Variants in IL1RAP observed in about 807,000 individuals in gnomAD.
IL1RAP encodes the protein interleukin 1 receptor accessory protein.
Under a neutral mutation model 60.7 loss-of-function variants are expected in IL1RAP, and 35 were observed. That is an observed-to-expected ratio of 0.58 (90% CI 0.44 to 0.76). The LOEUF (loss-of-function observed/expected upper bound fraction) is 0.76. Ranked by LOEUF, IL1RAP falls within the 30% of genes least tolerant of loss-of-function variation. The pLI, the probability that IL1RAP is intolerant of heterozygous loss-of-function variation, is 0.00. For synonymous variants in IL1RAP, 268 were observed against 250.9 expected (o/e 1.07, Z -0.64); for missense variants, 572 against 693.9 (o/e 0.82, Z 1.97).
In IL1RAP at chr3:190,649,664, C is replaced by T. The variant is rs890297690; in HGVS notation, c.*959C>T. On this transcript the variant is annotated 3_prime_UTR_variant, in exon 12 of 12. Transcript: ENST00000447382. ...ACTGGGAAAGTGATTTTTTCTCACT[C>T]GTTTTTGTTGCTCCATTGTAAAGGG... The T allele has an allele frequency of 2.5e-5, 25 of 985,700 alleles. No individual in the cohort carries two copies. Among genetic ancestry groups the T allele is most frequent in the African/African-American group, 3.5e-5 (2 of 57,236 alleles). The allele number at this position is 985,700 out of a possible 1,614,324, so 61.1% of individuals were successfully genotyped here.
chr3:190,644,401 A>G lies in IL1RAP; in HGVS notation c.1201+4A>G, dbSNP rs1007846343. Reference sequence around the variant, plus strand: ...GGAACAGATGAAACCATTTTAGGTAAGTAACAGAAATTTGACATAAACCTC... The same window carrying G: ...GGAACAGATGAAACCATTTTAGGTAGGTAACAGAAATTTGACATAAACCTC... On this transcript the variant is annotated splice_donor_region_variant and intron_variant, in intron 10 of 11. Coordinates refer to ENST00000447382, the MANE Select transcript of IL1RAP (RefSeq NM_002182.4). 1.9e-6 allele frequency: 3 copies of G among 1,610,498 alleles called. No individual in the cohort carries two copies. The highest frequency in any genetic ancestry group is 2.5e-6 in the Non-Finnish European group (3 of 1,176,956).
chr3:190,524,919 A>C (rs1722380706), intron 1 of IL1RAP, among the ~76,000 whole-genome samples: 1 of 152,098 alleles, frequency 6.6e-6, no homozygotes, highest in Non-Finnish European at 1.5e-5. Context: ...TGTATATATA[A>C]GTGTATGTGT....
exon 12 of IL1RAP, chr3:190,657,790 C>T (rs1238869323): frequency 6.6e-6 from 1 of 152,206 alleles, no homozygotes; most frequent in East Asian, 1.9e-4. Context: ...GGTGTGGTGG[C>T]TCATGCCTAT....
At chr3:190,624,437 A>T (rs1732053699) in intron 7 of IL1RAP, among the ~76,000 whole-genome samples, 1 of 152,158 alleles carries the variant, frequency 6.6e-6, no homozygotes, top group South Asian at 2.1e-4. Flanking sequence ...TATAATAGGC[A>T]TGTGTGTGTG....
At chr3:190,554,444 G>A (rs1725220684) in intron 1 of IL1RAP, among the ~76,000 whole-genome samples, 1 of 152,060 alleles carries the variant, frequency 6.6e-6, no homozygotes, top group African/African-American at 2.4e-5. Flanking sequence ...CAGACCAGCC[G>A]GAGGTTCTCC....
At chr3:190,607,062 A>C (rs1730390898) in intron 4 of IL1RAP, among the ~76,000 whole-genome samples, 1 of 152,112 alleles carries the variant, frequency 6.6e-6, no homozygotes, top group Admixed American at 6.6e-5. Flanking sequence ...GGTCATGCCT[A>C]CCACTCCCCC....
Position 190,644,274 on chromosome 3 carries a change from C to A in IL1RAP, c.1078C>A (p.Leu360Met). The A allele has an allele frequency of 6.2e-7, 1 of 1,613,590 alleles. No individual in the cohort carries two copies. The highest frequency in any genetic ancestry group is 8.5e-7 in the Non-Finnish European group (1 of 1,179,748). Residue 360 changes from leucine to methionine, a missense_variant, in exon 10 of 12, where the codon CTG becomes ATG. Transcript: ENST00000447382. ...KVPAPRYTVE[L>M]ACGFGATVLL... ...GCCAGCTCCAAGATACACAGTGGAA[C>A]TGGCTTGTGGTTTTGGAGCCACAGT...
At chr3:190,621,229 T>G (rs1731751747) in intron 6 of IL1RAP, among the ~76,000 whole-genome samples, 1 of 152,208 alleles carries the variant, frequency 6.6e-6, no homozygotes, top group Non-Finnish European at 1.5e-5. Context: ...TTAGAGACAC[T>G]CAGTGAGTTA....
chr3:190,627,488 T>A, intron 8 of IL1RAP, 39 bp downstream of exon 8: 1 of 1,591,332 alleles, frequency 6.3e-7, no homozygotes, highest in Non-Finnish European at 8.5e-7. Flanking sequence ...TAACCTTTGT[T>A]TCTCAACTTA....
intron 1 of IL1RAP, among the ~76,000 whole-genome samples, chr3:190,553,252 A>G (rs1198960573): frequency 3.9e-5 from 6 of 152,226 alleles, no homozygotes; most frequent in African/African-American, 1.4e-4. Flanking sequence ...CAGACTGGCT[A>G]CAACTTAAGA....
At chr3:190,519,594 C>G (rs1361354063) in intron 1 of IL1RAP, among the ~76,000 whole-genome samples, 2 of 151,950 alleles carry the variant, frequency 1.3e-5, no homozygotes, top group African/African-American at 4.8e-5. Flanking sequence ...TCGTAAATGC[C>G]CCATCTCTGT....
downstream of IL1RAP, chr3:190,655,799 A>G (rs971565054): frequency 3.1e-6 from 3 of 954,200 alleles, no homozygotes; most frequent in Admixed American, 2.4e-5. Flanking sequence ...GTGTTTGTTC[A>G]TTCCCTGTCC....
chr3:190,539,402 G>C lies in IL1RAP; in HGVS notation c.-88-16728G>C, dbSNP rs150107029. On this transcript the variant is annotated intron_variant, in intron 1 of 11. Coordinates refer to ENST00000447382, the MANE Select transcript of IL1RAP (RefSeq NM_002182.4). ...GGAAAAGCTTCATAATTTCAAAAAT[G>C]CTTTTCTATCTTGTGATACAGATTG... 4.9e-4 allele frequency among the ~76,000 whole-genome samples: 74 copies of C among 152,146 alleles called. No individual in the cohort carries two copies. The East Asian group carries it at 0.012, about 25-fold the overall frequency.
At chr3:190,598,135 T>A (rs1456451896) in intron 3 of IL1RAP, among the ~76,000 whole-genome samples, 1 of 152,212 alleles carries the variant, frequency 6.6e-6, no homozygotes, top group Non-Finnish European at 1.5e-5. Context: ...AATTTCCATT[T>A]AATAGTCTTT....
chr3:190,590,708 C>CA (rs1196076045), intron 3 of IL1RAP, among the ~76,000 whole-genome samples: 3 of 152,172 alleles, frequency 2.0e-5, no homozygotes, highest in African/African-American at 7.2e-5. Flanking sequence ...AGAACACATG[C>CA]AGCGTTATCT....
intron 8 of IL1RAP, among the ~76,000 whole-genome samples, chr3:190,628,441 C>T (rs959217592): frequency 3.9e-5 from 6 of 152,270 alleles, no homozygotes; most frequent in South Asian, 2.1e-4. Flanking sequence ...TAAGCTTAAG[C>T]AAAACCAATC....
At chr3:190,612,988 T>C (rs759783) in intron 5 of IL1RAP, among the ~76,000 whole-genome samples, 102,771 of 151,980 alleles carry the variant, frequency 0.68, 35,330 homozygotes, top group East Asian at 0.81. Flanking sequence ...GAATAAAATA[T>C]ATGCCCAGAG....
chr3:190,517,808 T>G (rs1007637962), intron 1 of IL1RAP: 9 of 152,202 alleles, frequency 5.9e-5, no homozygotes, highest in Non-Finnish European at 2.9e-5. Flanking sequence ...AAACAAAGAT[T>G]ATCTCCAGCC....
chr3:190,615,390 A>T, intron 5 of IL1RAP: 1 of 888,350 alleles, frequency 1.1e-6, no homozygotes, highest in Non-Finnish European at 1.6e-6. Context: ...TTTGTTACTG[A>T]TGAGATTAAT....
Sources: gnomAD v4.1 joint callset for allele counts (sites outside exome capture counted in the v4.1 genomes callset) on GRCh38, gnomAD v4.1.1 for gene constraint, MANE v1.5 for transcripts, NCBI Gene and HGNC (gene_info 2026-07-23, HGNC 2026-07-21) for gene names.